The following SCFD2 variants were observed in gnomAD, a reference collection of about 807,000 sequenced individuals.
SCFD2 encodes the protein sec1 family domain-containing protein 2.
Under a neutral mutation model 58.9 loss-of-function variants are expected in SCFD2, and 54 were observed. That is an observed-to-expected ratio of 0.92 (90% CI 0.74 to 1.15). SCFD2 has a LOEUF of 1.15. Ranked by LOEUF, SCFD2 falls within the 50% of genes most tolerant of loss-of-function variation. The pLI is 0.00. For missense variants in SCFD2, 805 were observed against 836.6 expected (o/e 0.96, Z 0.47); for synonymous variants, 321 against 335.9 (o/e 0.96, Z 0.49).
At chr4:53,062,036 T>C (rs1338234965) in intron 5 of SCFD2, among the ~76,000 whole-genome samples, 1 of 151,766 alleles carries the variant, frequency 6.6e-6, no homozygotes, top group African/African-American at 2.4e-5. Context: ...AAAATATATA[T>C]AATTATTATT....
At chr4:53,063,554 A>C (rs1217860658) in intron 5 of SCFD2, among the ~76,000 whole-genome samples, 1 of 152,132 alleles carries the variant, frequency 6.6e-6, no homozygotes, top group Non-Finnish European at 1.5e-5. Context: ...GAGATAAGGA[A>C]AGTGAAGCTC....
At chr4:53,354,349 G>A (rs1161642912) in intron 1 of SCFD2, among the ~76,000 whole-genome samples, 2 of 152,208 alleles carry the variant, frequency 1.3e-5, no homozygotes, top group East Asian at 1.9e-4. Context: ...CTCACTGCCT[G>A]GACCGGCCGG....
At chr4:53,020,448 A>G (rs1451154802) in intron 5 of SCFD2, among the ~76,000 whole-genome samples, 1 of 152,220 alleles carries the variant, frequency 6.6e-6, no homozygotes, top group African/African-American at 2.4e-5. Flanking sequence ...GGACAAAGAT[A>G]GGGAAAGGTT....
intron 3 of SCFD2, among the ~76,000 whole-genome samples, chr4:53,311,915 A>T (rs534876375): frequency 2.0e-4 from 30 of 152,226 alleles, no homozygotes; most frequent in African/African-American, 6.5e-4. Flanking sequence ...ATTATAGTCG[A>T]GAGCCACTGC....
intron 5 of SCFD2, among the ~76,000 whole-genome samples, chr4:52,996,744 C>G (rs949396795): frequency 6.6e-6 from 1 of 152,162 alleles, no homozygotes; most frequent in Admixed American, 6.5e-5. Context: ...TGGCTCTTGC[C>G]AAGAACAAAT....
chr4:53,234,823 T>C (rs1189759783), intron 4 of SCFD2, among the ~76,000 whole-genome samples: 2 of 152,156 alleles, frequency 1.3e-5, no homozygotes, highest in African/African-American at 4.8e-5. Context: ...AAGGTGACCA[T>C]ATTAATTGGA....
At chr4:53,174,195 G>A (rs1727260842) in intron 4 of SCFD2, among the ~76,000 whole-genome samples, 1 of 151,838 alleles carries the variant, frequency 6.6e-6, no homozygotes, top group Non-Finnish European at 1.5e-5. Context: ...AAATAATATT[G>A]AATGTGAAGG....
At chr4:53,106,241 A>G (rs1724998166) in intron 5 of SCFD2, among the ~76,000 whole-genome samples, 1 of 152,254 alleles carries the variant, frequency 6.6e-6, no homozygotes. Flanking sequence ...GACCAAAGGT[A>G]GATAAATCCA....
chr4:53,049,294 T>C (rs1465289734), intron 5 of SCFD2, among the ~76,000 whole-genome samples: 1 of 152,208 alleles, frequency 6.6e-6, no homozygotes, highest in Non-Finnish European at 1.5e-5. Flanking sequence ...GGCACACTCA[T>C]AACCTTAATG....
chr4:53,275,134 T>G (rs1731288903), intron 3 of SCFD2, among the ~76,000 whole-genome samples: 1 of 152,234 alleles, frequency 6.6e-6, no homozygotes. Context: ...GTGCTGCATC[T>G]ATTAGTCCTG....
Position 53,079,042 on chromosome 4 carries a change from A to T in SCFD2, c.1561+66291T>A, listed in dbSNP as rs143501656. Among the ~76,000 whole-genome samples the T allele has an allele frequency of 1.6e-3, 251 of 152,312 alleles. 10 individuals are homozygous for T. In the East Asian group the frequency reaches 0.043, roughly 26 times the overall value. On this transcript the variant is annotated intron_variant, in intron 5 of 8. Coordinates refer to ENST00000401642, the MANE Select transcript of SCFD2 (RefSeq NM_152540.4). ...AGATCTATTATAGGAAGTGGCTCAC[A>T]TAACTATAGAGGTTGAGAGGTCCCA...
chr4:53,346,483 A>G (rs1192845523), intron 2 of SCFD2, among the ~76,000 whole-genome samples: 1 of 152,116 alleles, frequency 6.6e-6, no homozygotes, highest in Non-Finnish European at 1.5e-5. Flanking sequence ...CATGTTGGTT[A>G]GGCTGGTCTC....
At chr4:53,111,898 C>A (rs1052244296) in intron 5 of SCFD2, among the ~76,000 whole-genome samples, 1 of 151,970 alleles carries the variant, frequency 6.6e-6, no homozygotes, top group East Asian at 1.9e-4. Context: ...TAAATAAGTG[C>A]ATTTGGAAAC....
At chr4:53,192,060 T>C (rs1257866701) in intron 4 of SCFD2, among the ~76,000 whole-genome samples, 1 of 152,216 alleles carries the variant, frequency 6.6e-6, no homozygotes, top group Non-Finnish European at 1.5e-5. Context: ...AAAGAGTGTC[T>C]TGAAAATTAA....
chr4:53,328,985 G>A (rs1284750585), intron 2 of SCFD2, among the ~76,000 whole-genome samples: 1 of 152,208 alleles, frequency 6.6e-6, no homozygotes, highest in Non-Finnish European at 1.5e-5. Context: ...AGGGGTGACG[G>A]ACACACCTGG....
chr4:53,206,826 C>A (rs1728420167), intron 4 of SCFD2, among the ~76,000 whole-genome samples: 1 of 152,110 alleles, frequency 6.6e-6, no homozygotes, highest in African/African-American at 2.4e-5. Context: ...ATTTTTAAAG[C>A]TATATGCATG....
At chr4:52,982,034 G>A (rs1049539934) in intron 5 of SCFD2, among the ~76,000 whole-genome samples, 2 of 152,176 alleles carry the variant, frequency 1.3e-5, no homozygotes, top group Admixed American at 6.5e-5. Context: ...TAAGGAAGAG[G>A]AATGGATCAA....
At chr4:53,247,957 T>G (rs570789562) in intron 4 of SCFD2, among the ~76,000 whole-genome samples, 2 of 151,410 alleles carry the variant, frequency 1.3e-5, no homozygotes, top group African/African-American at 4.8e-5. Flanking sequence ...GGTCTACAGC[T>G]GCCAGCGTGA....
Position 52,998,482 on chromosome 4 carries a change from T to C in SCFD2, c.1562-77612A>G, listed in dbSNP as rs141480472. ...ATGATAAGAGATTAAATCCTTCTTGTTCATATATATGAATGTATTATTTCC... is the reference window on the plus strand; with the variant it reads ...ATGATAAGAGATTAAATCCTTCTTGCTCATATATATGAATGTATTATTTCC... On this transcript the variant is annotated intron_variant, in intron 5 of 8. Transcript: ENST00000401642. Among the ~76,000 whole-genome samples, 434 of 152,364 alleles carry C rather than the reference T, an allele frequency of 2.8e-3. 1 individual carries two copies. Among genetic ancestry groups the C allele is most frequent in the African/African-American group, 1.0e-2 (414 of 41,588 alleles).
Sources: allele counts gnomAD v4.1 joint callset (sites outside exome capture counted in the v4.1 genomes callset), GRCh38; gene constraint gnomAD v4.1.1; transcripts MANE v1.5; gene names NCBI Gene and HGNC (gene_info 2026-07-23, HGNC 2026-07-21).